DENND1A: variants seen among roughly 807,000 people sequenced by gnomAD.
DENND1A encodes DENN domain containing 1A.
Under a neutral mutation model 113.7 loss-of-function variants are expected in DENND1A, and 51 were observed. The observed-to-expected ratio is 0.45, with a 90% CI of 0.36 to 0.57. The LOEUF (loss-of-function observed/expected upper bound fraction) is 0.57. Among genes scored for constraint, DENND1A ranks in the 20% least tolerant of loss-of-function variants. The pLI is 0.00. For missense variants in DENND1A, 1,258 were observed against 1,395.9 expected (o/e 0.90, Z 1.57); for synonymous variants, 565 against 570.8 (o/e 0.99, Z 0.14).
At chr9:123,554,075 G>A (rs4838068) in intron 13 of DENND1A, among the ~76,000 whole-genome samples, 42,159 of 152,006 alleles carry the variant, frequency 0.28, 7,004 homozygotes, top group African/African-American at 0.46. Flanking sequence ...TATAACCAGA[G>A]AAACAACAAA....
chr9:123,863,793 T>A (rs1278598726), intron 2 of DENND1A, among the ~76,000 whole-genome samples: 1 of 152,166 alleles, frequency 6.6e-6, no homozygotes, highest in Admixed American at 6.5e-5. Context: ...CATATATTTT[T>A]CTCTCTCTCC....
chr9:123,444,896 C>G (rs2047186165), intron 18 of DENND1A, among the ~76,000 whole-genome samples: 1 of 152,188 alleles, frequency 6.6e-6, no homozygotes, highest in African/African-American at 2.4e-5. Context: ...CCCGAAGGGT[C>G]ACACAGGAGG....
intron 17 of DENND1A, among the ~76,000 whole-genome samples, chr9:123,451,189 T>C (rs2047695690): frequency 6.6e-6 from 1 of 152,232 alleles, no homozygotes; most frequent in Non-Finnish European, 1.5e-5. Flanking sequence ...GCTGGGTTTC[T>C]ACAGTGCCAT....
rs1167208339 is a variant in DENND1A at position 123,593,832 on chromosome 9, T to C, written c.766-10562A>G. Reference sequence around the variant, plus strand: ...CACGCCCTCTTGTAATTCCCAGTGTTGGAGGAGGGGCCTGGTGGGAGGTGA... The same window carrying C: ...CACGCCCTCTTGTAATTCCCAGTGTCGGAGGAGGGGCCTGGTGGGAGGTGA... On this transcript the variant is annotated intron_variant, in intron 11 of 23. Transcript: ENST00000394215. Among the ~76,000 whole-genome samples, 3 of 152,166 alleles carry C rather than the reference T, an allele frequency of 2.0e-5. No individual in the cohort carries two copies. In the East Asian group the frequency reaches 5.8e-4, roughly 29 times the overall value.
chr9:123,494,583 TTTCC>T (rs1243820222), intron 13 of DENND1A, among the ~76,000 whole-genome samples: 2 of 152,166 alleles, frequency 1.3e-5, no homozygotes, highest in Non-Finnish European at 2.9e-5. Context: ...AAGAATACGA[TTTCC>T]TTCTGGTCCT....
At chr9:123,847,647 G>C (rs376178015) in intron 2 of DENND1A, among the ~76,000 whole-genome samples, 14 of 152,092 alleles carry the variant, frequency 9.2e-5, no homozygotes, top group African/African-American at 3.4e-4. Context: ...AAAGAACAAA[G>C]AAAATGGCCA....
rs2042335570 is a variant in DENND1A, at chr9:123,382,581, C to T, written c.2064G>A (p.Val688=). The change falls in exon 24 of 24, where the codon GTG becomes GTA. Residue 688 remains valine, a synonymous_variant. Transcript: ENST00000394215. The stretch of plus-strand genomic sequence containing the variant: ...TGTACGGGTGGGTAAGCTTCAAGGC[C>T]ACTGTCACCCCGCGGCTCCTCTCAC... The part of the protein sequence containing the change: ...GGSERSRGVT[V]ALKLTHPYNK... 6.2e-7 allele frequency: 1 copy of T among 1,613,976 alleles called. No individual in the cohort carries two copies. The highest frequency in any genetic ancestry group is 8.5e-7 in the Non-Finnish European group (1 of 1,180,032).
Position 123,411,803 on chromosome 9 carries a change from C to T in DENND1A, c.1515G>A (p.Pro505=), listed in dbSNP as rs1014268627. 29 of 985,782 alleles carry T rather than the reference C, an allele frequency of 2.9e-5. No individual in the cohort carries two copies. Among genetic ancestry groups the T allele is most frequent in the Non-Finnish European group, 2.9e-5 (24 of 830,044 alleles). 61.1% of individuals were successfully genotyped at this position (985,782 alleles called of 1,614,324 possible). A position where few individuals can be genotyped will look rare whatever the true frequency, so the allele number is the denominator to read the frequency against. The change falls in exon 20 of 24, where the codon CCG becomes CCA. Residue 505 remains proline (P), a synonymous_variant. Transcript: ENST00000394215. ...GCCTCGAGCGCTGTATCTTGGGAGG[C>T]GGTCGGGTGGGACGCAGTCTCTGCA... ...GQLQRLRPTR[P]PPKIQRSRPV...
chr9:123,562,427 T>C (rs1482061911), intron 12 of DENND1A, among the ~76,000 whole-genome samples: 1 of 152,118 alleles, frequency 6.6e-6, no homozygotes, highest in Non-Finnish European at 1.5e-5. Context: ...AAATATCACA[T>C]AGCTGCCAAA....
chr9:123,633,496 T>A (rs904271590), intron 9 of DENND1A, among the ~76,000 whole-genome samples: 6 of 152,156 alleles, frequency 3.9e-5, no homozygotes, highest in Admixed American at 6.5e-5. Flanking sequence ...TAAAACAGTT[T>A]GGGTGCGGTG....
At chr9:123,400,465 G>A (rs1396002009) in intron 21 of DENND1A, 1 of 152,304 alleles carries the variant, frequency 6.6e-6, no homozygotes, top group Non-Finnish European at 1.5e-5. Flanking sequence ...AACTTCAGGG[G>A]TGGACTGGCC....
intron 13 of DENND1A, among the ~76,000 whole-genome samples, chr9:123,516,156 A>ACACACAC (rs2053891385): frequency 9.1e-6 from 1 of 110,060 alleles, no homozygotes; most frequent in African/African-American, 4.7e-5. Flanking sequence ...ACACACACAC[A>ACACACAC]AAGGTTGGGG....
chr9:123,890,657 T>C (rs1016613413), intron 1 of DENND1A, among the ~76,000 whole-genome samples: 1 of 152,196 alleles, frequency 6.6e-6, no homozygotes, highest in African/African-American at 2.4e-5. Flanking sequence ...AACAACTCTA[T>C]GAAAGAACTA....
chr9:123,550,551 G>A (rs950138857), intron 13 of DENND1A, among the ~76,000 whole-genome samples: 7 of 152,198 alleles, frequency 4.6e-5, no homozygotes, highest in South Asian at 2.1e-4. Flanking sequence ...CACATGCACC[G>A]TCATGCAGCA....
chr9:123,877,178 C>T (rs1461408658), intron 2 of DENND1A, among the ~76,000 whole-genome samples: 1 of 152,168 alleles, frequency 6.6e-6, no homozygotes, highest in Non-Finnish European at 1.5e-5. Context: ...CTTGTAACCC[C>T]TAAACTTATA....
intron 1 of DENND1A, among the ~76,000 whole-genome samples, chr9:123,919,883 G>GAAA (rs56784407): frequency 1.3e-4 from 7 of 55,348 alleles, no homozygotes; most frequent in African/African-American, 3.2e-4. Flanking sequence ...CTCTGTCTCA[G>GAAA]AAAAAAAAAA....
intron 21 of DENND1A, among the ~76,000 whole-genome samples, chr9:123,393,799 C>T (rs1008943467): frequency 1.3e-5 from 2 of 152,286 alleles, no homozygotes; most frequent in Non-Finnish European, 1.5e-5. Context: ...CCACAAGTCA[C>T]GATCACCAGC....
chr9:123,387,857 G>A lies in DENND1A; in HGVS notation c.1633C>T (p.Leu545=), dbSNP rs1356002012. ...RRTSVPSPEH[L]VKPLRHYAVF... ...GCATAGTGTCGCAAGGGCTTTACCA[G>A]GCTGGGGCAGAGGAAGACAAAAGAG... The change falls in exon 22 of 24, where the codon CTG becomes TTG. Residue 545 remains leucine (L), a splice_region_variant and synonymous_variant. Coordinates refer to ENST00000394215, the MANE Select transcript of DENND1A (RefSeq NM_001352964.2). 7.8e-7 allele frequency: 1 copy of A among 1,289,984 alleles called. No homozygotes were observed. The highest frequency in any genetic ancestry group is 1.2e-5 in the South Asian group (1 of 81,008). 79.9% of individuals were successfully genotyped at this position (1,289,984 alleles called of 1,614,324 possible).
chr9:123,877,032 C>T (rs969725671), intron 2 of DENND1A, among the ~76,000 whole-genome samples: 2 of 152,046 alleles, frequency 1.3e-5, no homozygotes, highest in African/African-American at 4.8e-5. Context: ...ATAATAGGCA[C>T]TGGAGACTCA....
Sources: allele counts gnomAD v4.1 joint callset (sites outside exome capture counted in the v4.1 genomes callset), GRCh38; gene constraint gnomAD v4.1.1; transcripts MANE v1.5; gene names NCBI Gene and HGNC (gene_info 2026-07-23, HGNC 2026-07-21).